SYTL4: variants seen among roughly 807,000 people sequenced by gnomAD.
SYTL4 encodes the protein synaptotagmin like 4, also known as synaptotagmin-like protein 4.
A neutral mutation model predicts 52.7 loss-of-function variants in SYTL4; 16 were observed. The ratio of observed to expected loss-of-function variants is 0.30; its 90% CI spans 0.21 to 0.46. The LOEUF (loss-of-function observed/expected upper bound fraction) is 0.46, where lower values mean the gene tolerates loss of function less well. Ranked by LOEUF, SYTL4 falls within the 20% of genes least tolerant of loss-of-function variation. SYTL4 has a pLI of 1.00. For synonymous variants in SYTL4, 160 were observed against 186.6 expected, an observed-to-expected ratio of 0.86 and a Z score of 1.16; for missense variants, 423 against 519.9, an observed-to-expected ratio of 0.81 and a Z score of 1.81.
intron 2 of SYTL4, among the ~76,000 whole-genome samples, chrX:100,719,227 A>G (rs1165002576): frequency 1.8e-5 from 2 of 111,595 alleles, no homozygotes; most frequent in Non-Finnish European, 3.8e-5. Context: ...TCACACTATG[A>G]GGTAGGTACT....
Position 100,701,673 on chromosome X carries a change from C to T in SYTL4, c.111G>A (p.Arg37=). 3.3e-6 allele frequency: 4 copies of T among 1,207,402 alleles called. No homozygotes were observed. Among genetic ancestry groups the T allele is most frequent in the East Asian group, 3.0e-5 (1 of 33,821 alleles). The change falls in exon 6 of 20, where the codon AGG becomes AGA. Residue 37 remains arginine (R), a splice_region_variant and synonymous_variant. Transcript: ENST00000372989. ...EVRKADEKRI[R]RLKNELLEIK... Reference sequence around the variant, plus strand: ...TCTCCAGTAACTCATTCTTTAGTCGCCTGCCAAGACCCAAAACAGAAGCGT... The same window carrying T: ...TCTCCAGTAACTCATTCTTTAGTCGTCTGCCAAGACCCAAAACAGAAGCGT...
At chrX:100,683,642 AAAAC>A (rs947775357) in intron 16 of SYTL4, among the ~76,000 whole-genome samples, 8 of 112,230 alleles carry the variant, frequency 7.1e-5, no homozygotes, top group Non-Finnish European at 1.5e-4. Context: ...ACAAAAAACA[AAAAC>A]AAAACCAGAA....
chrX:100,698,942 A>C (rs1429063739), intron 8 of SYTL4, among the ~76,000 whole-genome samples: 1 of 112,449 alleles, frequency 8.9e-6, no homozygotes, highest in African/African-American at 3.2e-5. Flanking sequence ...GGGATAGAAG[A>C]AAATAACCGG....
At position 100,678,577 on chromosome X, in the gene SYTL4, T is replaced by C. The variant is rs895189954; in HGVS notation, c.1681A>G (p.Lys561Glu). 8 of 1,209,001 alleles carry C rather than the reference T, an allele frequency of 6.6e-6. No homozygotes were observed. The highest frequency in any genetic ancestry group is 4.4e-5 in the Admixed American group (2 of 45,742). ...ACAGGAGTTTTACGTTTACTGGCCTTGTTCCTCATGGGAAGGAGGTATCTG... is the reference window on the plus strand; with the variant it reads ...ACAGGAGTTTTACGTTTACTGGCCTCGTTCCTCATGGGAAGGAGGTATCTG... ...VKGYLLPMRN[K>E]ASKRKTPVMK... is the part of the protein sequence containing the mutation. The change falls in exon 19 of 20, where the codon AAG (lysine) becomes GAG (glutamate). Residue 561 changes from lysine to glutamate, a missense_variant. Lys to Glu is a moderately conservative substitution (Grantham distance 56). Transcript: ENST00000372989.
intron 9 of SYTL4, among the ~76,000 whole-genome samples, 164 bp downstream of exon 9, chrX:100,690,944 T>A (rs1208573318): frequency 2.7e-5 from 3 of 112,684 alleles, no homozygotes; most frequent in African/African-American, 9.7e-5. Context: ...CAGGAAGCTG[T>A]GCTCAGAGCC....
At chrX:100,714,554 T>C (rs1341021325) in intron 2 of SYTL4, among the ~76,000 whole-genome samples, 3 of 104,505 alleles carry the variant, frequency 2.9e-5, no homozygotes, top group East Asian at 2.9e-4. Flanking sequence ...CCACCGTGCC[T>C]GGCCAAGGTT....
At chrX:100,689,253 T>TA (rs1393939687) in intron 12 of SYTL4, among the ~76,000 whole-genome samples, 1 of 105,978 alleles carries the variant, frequency 9.4e-6, no homozygotes, top group Non-Finnish European at 1.9e-5. Flanking sequence ...TTCATGCCTA[T>TA]AGTCCCAGCT....
intron 8 of SYTL4, among the ~76,000 whole-genome samples, chrX:100,693,798 A>G (rs989313754): frequency 1.8e-4 from 20 of 112,886 alleles, no homozygotes; most frequent in African/African-American, 6.4e-4. Flanking sequence ...ATGTCCATCA[A>G]TGCATGATTA....
At chrX:100,715,930 C>T (rs2084193554) in intron 2 of SYTL4, among the ~76,000 whole-genome samples, 1 of 81,971 alleles carries the variant, frequency 1.2e-5, no homozygotes, top group African/African-American at 5.2e-5. Flanking sequence ...AGAATAAGAC[C>T]TTTTCTCTCT....
At chrX:100,716,075 A>G (rs1299929543) in intron 2 of SYTL4, among the ~76,000 whole-genome samples, 1 of 110,099 alleles carries the variant, frequency 9.1e-6, no homozygotes, top group Non-Finnish European at 1.9e-5. Flanking sequence ...TTTCCAGAAC[A>G]TGGGTGAAGC....
intron 2 of SYTL4, among the ~76,000 whole-genome samples, chrX:100,705,490 T>C (rs2083937865): frequency 9.0e-6 from 1 of 111,525 alleles, no homozygotes; most frequent in Admixed American, 9.6e-5. Flanking sequence ...TCAAAAGCAT[T>C]GTGGAAATGA....
chrX:100,714,999 C>T (rs375073459), intron 2 of SYTL4, among the ~76,000 whole-genome samples: 3 of 111,264 alleles, frequency 2.7e-5, no homozygotes, highest in African/African-American at 9.8e-5. Flanking sequence ...TTCATTTAAT[C>T]TCTCATCCTT....
intron 2 of SYTL4, among the ~76,000 whole-genome samples, chrX:100,723,056 A>C (rs182371928): frequency 2.7e-5 from 3 of 111,758 alleles, no homozygotes; most frequent in Non-Finnish European, 5.6e-5. Context: ...AAAAAAAAAA[A>C]ATTAAAGAAC....
At chrX:100,686,397 AT>A in intron 15 of SYTL4, 1 of 389,483 alleles carries the variant, frequency 2.6e-6, no homozygotes, top group Non-Finnish European at 4.4e-6. Context: ...ATAACACTGG[AT>A]TGTCCAAAAA....
At chrX:100,692,440 T>C (rs970984828) in intron 8 of SYTL4, among the ~76,000 whole-genome samples, 1 of 112,228 alleles carries the variant, frequency 8.9e-6, no homozygotes, top group African/African-American at 3.2e-5. Context: ...GACTGAATTA[T>C]TGAATAAATG....
chrX:100,679,662 T>A (rs769453412), intron 17 of SYTL4, among the ~76,000 whole-genome samples: 1 of 112,278 alleles, frequency 8.9e-6, no homozygotes, highest in South Asian at 3.7e-4. Flanking sequence ...ATGTTAAGCA[T>A]TTAATTCTCA....
intron 2 of SYTL4, among the ~76,000 whole-genome samples, chrX:100,725,186 CAGG>C (rs1325882601): frequency 2.7e-5 from 3 of 111,482 alleles, no homozygotes; most frequent in Non-Finnish European, 5.6e-5. Context: ...AAAAATTTCA[CAGG>C]AGATCAAAAG....
At chrX:100,683,548 T>C (rs2083421219) in intron 16 of SYTL4, among the ~76,000 whole-genome samples, 1 of 111,139 alleles carries the variant, frequency 9.0e-6, no homozygotes, top group Admixed American at 9.5e-5. Context: ...CACAGTTTAA[T>C]ATATGTGAGA....
chrX:100,720,873 T>C (rs1338014949), intron 2 of SYTL4, among the ~76,000 whole-genome samples: 4 of 112,012 alleles, frequency 3.6e-5, no homozygotes, highest in African/African-American at 1.3e-4. Flanking sequence ...AATAAATATA[T>C]ACATGACCAT....
Sources: allele counts gnomAD v4.1 joint callset (sites outside exome capture counted in the v4.1 genomes callset), GRCh38; gene constraint gnomAD v4.1.1; transcripts MANE v1.5; gene names NCBI Gene and HGNC (gene_info 2026-07-23, HGNC 2026-07-21).